Variants in CHRM3 observed in about 807,000 individuals in gnomAD.
The protein encoded by CHRM3 is cholinergic receptor muscarinic 3, also known as muscarinic acetylcholine receptor M3.
A neutral mutation model predicts 41.8 loss-of-function variants in CHRM3; 11 were observed. The ratio of observed to expected loss-of-function variants is 0.26; its 90% CI spans 0.17 to 0.44. The LOEUF is 0.44. Ranked by LOEUF, CHRM3 falls within the 20% of genes least tolerant of loss-of-function variation. The pLI is 1.00. For missense variants in CHRM3, 571 were observed against 745.4 expected, an observed-to-expected ratio of 0.77 and a Z score of 2.72; for synonymous variants, 297 against 301.4, an observed-to-expected ratio of 0.99 and a Z score of 0.15.
intron 5 of CHRM3, among the ~76,000 whole-genome samples, chr1:239,689,493 G>A (rs1249994982): frequency 1.3e-5 from 2 of 152,108 alleles, no homozygotes; most frequent in African/African-American, 4.8e-5. Flanking sequence ...CAAAATAGCA[G>A]CGTTTGTGAA....
At chr1:239,903,134 A>T (rs1010236473) in intron 6 of CHRM3, among the ~76,000 whole-genome samples, 12 of 152,192 alleles carry the variant, frequency 7.9e-5, no homozygotes, top group African/African-American at 2.9e-4. Flanking sequence ...CATTTTCTGT[A>T]TTCAAACAAA....
intron 5 of CHRM3, among the ~76,000 whole-genome samples, chr1:239,690,508 T>C (rs529141220): frequency 2.0e-5 from 3 of 152,082 alleles, no homozygotes; most frequent in South Asian, 2.1e-4. Context: ...GGATTACAGG[T>C]GTAAGCCACT....
At chr1:239,750,013 T>C (rs753415175) in intron 5 of CHRM3, among the ~76,000 whole-genome samples, 2 of 152,358 alleles carry the variant, frequency 1.3e-5, no homozygotes, top group African/African-American at 4.8e-5. Context: ...TATTCAAAGA[T>C]TGAATGTTCA....
intron 3 of CHRM3, among the ~76,000 whole-genome samples, chr1:239,609,846 G>C (rs1207316993): frequency 6.6e-6 from 1 of 152,072 alleles, no homozygotes; most frequent in Non-Finnish European, 1.5e-5. Flanking sequence ...TTGTCTTGTA[G>C]AGTGTAATCA....
chr1:239,829,631 G>A (rs1184000220), intron 6 of CHRM3, among the ~76,000 whole-genome samples: 2 of 152,086 alleles, frequency 1.3e-5, no homozygotes, highest in Non-Finnish European at 2.9e-5. Flanking sequence ...TTTGACTCAT[G>A]TGGTCTTCAG....
chr1:239,818,771 A>C (rs921368977), intron 5 of CHRM3, among the ~76,000 whole-genome samples: 14 of 152,214 alleles, frequency 9.2e-5, no homozygotes, highest in Admixed American at 9.2e-4. Flanking sequence ...AGTTGGCTTT[A>C]TGGGCAGGAA....
At chr1:239,849,701 C>T (rs1399846609) in intron 6 of CHRM3, among the ~76,000 whole-genome samples, 3 of 152,060 alleles carry the variant, frequency 2.0e-5, no homozygotes, top group South Asian at 2.1e-4. Context: ...AGCTGTGTGA[C>T]GTTAGGCAAA....
chr1:239,779,308 A>G (rs947878995), intron 5 of CHRM3, among the ~76,000 whole-genome samples: 2 of 152,216 alleles, frequency 1.3e-5, no homozygotes, highest in South Asian at 2.1e-4. Context: ...AGATGCATCA[A>G]CATTGACACA....
intron 5 of CHRM3, among the ~76,000 whole-genome samples, chr1:239,781,625 T>C (rs1282517518): frequency 2.6e-5 from 4 of 152,132 alleles, no homozygotes; most frequent in African/African-American, 9.6e-5. Context: ...TCTTGTGTTA[T>C]TGCATTAGCT....
chr1:239,906,911 T>A (rs894062118), intron 6 of CHRM3, among the ~76,000 whole-genome samples: 3 of 152,196 alleles, frequency 2.0e-5, no homozygotes, highest in Admixed American at 6.5e-5. Flanking sequence ...TTGATTTACA[T>A]TGGTTTTATC....
At chr1:239,743,244 A>T (rs541754930) in intron 5 of CHRM3, among the ~76,000 whole-genome samples, 78 of 152,276 alleles carry the variant, frequency 5.1e-4, no homozygotes, top group African/African-American at 1.9e-3. Flanking sequence ...GCCATTCATC[A>T]TTACTTTTTA....
chr1:239,611,613 G>A (rs1275174250), intron 3 of CHRM3, among the ~76,000 whole-genome samples: 5 of 151,856 alleles, frequency 3.3e-5, no homozygotes, highest in African/African-American at 1.2e-4. Flanking sequence ...TAGAGATGGG[G>A]TTTCACCATG....
intron 1 of CHRM3, among the ~76,000 whole-genome samples, chr1:239,485,293 A>G (rs867080018): frequency 1.3e-5 from 2 of 152,198 alleles, no homozygotes; most frequent in Non-Finnish European, 1.5e-5. Context: ...TAATACTGGC[A>G]AAATCTTATT....
At chr1:239,655,634 C>T (rs1342131613) in intron 4 of CHRM3, among the ~76,000 whole-genome samples, 3 of 152,170 alleles carry the variant, frequency 2.0e-5, no homozygotes, top group African/African-American at 7.2e-5. Flanking sequence ...TGGGTGCTTT[C>T]ATCTCACTTT....
chr1:239,591,841 G>GTT (rs1664190585), intron 3 of CHRM3, among the ~76,000 whole-genome samples: 1 of 152,138 alleles, frequency 6.6e-6, no homozygotes, highest in African/African-American at 2.4e-5. Context: ...ATAGCATTTT[G>GTT]TTTATTTTTA....
chr1:239,830,485 C>T (rs971180509), intron 6 of CHRM3, among the ~76,000 whole-genome samples: 1 of 152,108 alleles, frequency 6.6e-6, no homozygotes, highest in East Asian at 1.9e-4. Context: ...GGGCGGATCA[C>T]GAGCTCAGGA....
chr1:239,476,182 C>A (rs1195788942), intron 1 of CHRM3, among the ~76,000 whole-genome samples: 1 of 151,996 alleles, frequency 6.6e-6, no homozygotes, highest in Non-Finnish European at 1.5e-5. Context: ...AATTGCTGGT[C>A]TGGCCGGGCA....
intron 5 of CHRM3, among the ~76,000 whole-genome samples, chr1:239,807,955 CT>C (rs1463686305): frequency 6.6e-6 from 1 of 152,014 alleles, no homozygotes; most frequent in South Asian, 2.1e-4. Context: ...TCTCATTATT[CT>C]TTTCTTCCCT....
chr1:239,850,250 A>T (rs1674592397), intron 6 of CHRM3, among the ~76,000 whole-genome samples: 1 of 152,214 alleles, frequency 6.6e-6, no homozygotes, highest in Admixed American at 6.5e-5. Flanking sequence ...ACCATTAAGA[A>T]GAGAAAATAT....
Sources: allele counts gnomAD v4.1 joint callset (sites outside exome capture counted in the v4.1 genomes callset), GRCh38; gene constraint gnomAD v4.1.1; transcripts MANE v1.5; gene names NCBI Gene and HGNC (gene_info 2026-07-23, HGNC 2026-07-21).